PALMD: variants seen among roughly 807,000 people sequenced by gnomAD.
PALMD encodes paralemmin-like protein.
Under a neutral mutation model 56.2 loss-of-function variants are expected in PALMD, and 42 were observed. The observed-to-expected ratio is 0.75, with a 90% CI of 0.58 to 0.97. The LOEUF (loss-of-function observed/expected upper bound fraction) is 0.97. Ranked by LOEUF, PALMD falls within the 50% of genes least tolerant of loss-of-function variation. The pLI is 0.00. For missense variants in PALMD, 660 were observed against 643.8 expected, an observed-to-expected ratio of 1.03 and a Z score of -0.27; for synonymous variants, 242 against 222.9, an observed-to-expected ratio of 1.09 and a Z score of -0.76.
chr1:99,693,942 G>A (rs187712236), intron 7 of PALMD, 77 bp from the exon 8 acceptor site: 18 of 950,056 alleles, frequency 1.9e-5, no homozygotes, highest in Middle Eastern at 5.0e-4. Flanking sequence ...AAACTTTCCT[G>A]CATTCTATGA....
At chr1:99,656,699 T>G (rs527258380) in intron 1 of PALMD, among the ~76,000 whole-genome samples, 7 of 152,316 alleles carry the variant, frequency 4.6e-5, no homozygotes, top group South Asian at 4.1e-4. Flanking sequence ...CCCACAACCA[T>G]GCTTTTCTTT....
intron 2 of PALMD, 170 bp from the exon 3 acceptor site, chr1:99,667,472 A>T: frequency 1.5e-6 from 1 of 650,702 alleles, no homozygotes; most frequent in Non-Finnish European, 2.7e-6. Flanking sequence ...GAATACAGTC[A>T]AGAAGGTTAC....
At chr1:99,651,425 T>G (rs1406095773) in intron 1 of PALMD, among the ~76,000 whole-genome samples, 1 of 152,238 alleles carries the variant, frequency 6.6e-6, no homozygotes. Context: ...TGAACATTAC[T>G]GGATGGTTGA....
intron 1 of PALMD, among the ~76,000 whole-genome samples, chr1:99,648,484 A>G (rs1652491933): frequency 1.3e-5 from 2 of 152,188 alleles, no homozygotes; most frequent in Non-Finnish European, 1.5e-5. Flanking sequence ...ATTTTTGGAA[A>G]TGCTTAAGCC....
intron 1 of PALMD, among the ~76,000 whole-genome samples, chr1:99,655,434 C>T (rs1459344651): frequency 6.6e-6 from 1 of 152,112 alleles, no homozygotes; most frequent in Non-Finnish European, 1.5e-5. Context: ...TCAACTGCTA[C>T]CACCTAGACC....
chr1:99,658,643 C>T (rs1251602945), intron 1 of PALMD, among the ~76,000 whole-genome samples: 5 of 151,640 alleles, frequency 3.3e-5, no homozygotes, highest in South Asian at 2.1e-4. Flanking sequence ...TGGTGGCGGG[C>T]GCCTGTAGTC....
At chr1:99,654,326 C>T (rs1652663955) in intron 1 of PALMD, among the ~76,000 whole-genome samples, 1 of 151,774 alleles carries the variant, frequency 6.6e-6, no homozygotes. Flanking sequence ...CCCTTAATAG[C>T]TATAATATTA....
intron 1 of PALMD, among the ~76,000 whole-genome samples, chr1:99,651,289 T>C (rs1243654251): frequency 1.3e-5 from 2 of 152,208 alleles, no homozygotes; most frequent in Non-Finnish European, 2.9e-5. Flanking sequence ...TGATGAGGTA[T>C]AATAGTTTTG....
At chr1:99,661,970 T>C (rs1171756621) in intron 1 of PALMD, among the ~76,000 whole-genome samples, 1 of 152,204 alleles carries the variant, frequency 6.6e-6, no homozygotes, top group Non-Finnish European at 1.5e-5. Flanking sequence ...CTTCTCACGA[T>C]GTTTCCTCAC....
intron 3 of PALMD, among the ~76,000 whole-genome samples, chr1:99,682,431 C>T (rs6679772): frequency 0.048 from 7,356 of 152,088 alleles, 537 homozygotes; most frequent in African/African-American, 0.16. Flanking sequence ...GAGACCACAG[C>T]GACTTATTAA....
chr1:99,683,924 C>T (rs534439198), intron 3 of PALMD: 1 of 152,340 alleles, frequency 6.6e-6, no homozygotes, highest in South Asian at 2.1e-4. Flanking sequence ...CCCGCTCTCA[C>T]TTCCTTCATG....
rs190210801 is a variant in PALMD, at chr1:99,650,094, G to C, written c.45+3732G>C. On this transcript the variant is annotated intron_variant, in intron 1 of 7. Transcript: ENST00000263174. Reference sequence around the variant, plus strand: ...GTTAAAATAGAGTGGTCAGGATGGGGTTCACAAAGAGGGTGACGTTTGAGC... The same window carrying C: ...GTTAAAATAGAGTGGTCAGGATGGGCTTCACAAAGAGGGTGACGTTTGAGC... Among the ~76,000 whole-genome samples the C allele has an allele frequency of 5.0e-3, 758 of 152,134 alleles. 5 individuals are homozygous for C. The highest frequency in any genetic ancestry group is 0.017 in the South Asian group (80 of 4,810).
At chr1:99,651,161 CCA>C (rs3835487) in intron 1 of PALMD, among the ~76,000 whole-genome samples, 11,564 of 152,224 alleles carry the variant, frequency 0.076, 604 homozygotes, top group Admixed American at 0.17. Context: ...GCACAATTTT[CCA>C]CAGTGCTGTA....
At chr1:99,651,855 A>G (rs1343012363) in intron 1 of PALMD, among the ~76,000 whole-genome samples, 1 of 152,244 alleles carries the variant, frequency 6.6e-6, no homozygotes. Context: ...AATGGAACTC[A>G]AAACTAGCTT....
intron 1 of PALMD, among the ~76,000 whole-genome samples, chr1:99,647,484 TA>T (rs1652466838): frequency 1.3e-5 from 2 of 152,244 alleles, no homozygotes; most frequent in Admixed American, 1.3e-4. Context: ...AGTCTATTGA[TA>T]AGGTTGGCAC....
chr1:99,685,319 C>T (rs1653459896), intron 3 of PALMD: 1 of 152,142 alleles, frequency 6.6e-6, no homozygotes, highest in African/African-American at 2.4e-5. Context: ...TAGTGCAGAG[C>T]TTTCCCCTTT....
chr1:99,688,748 T>C, intron 6 of PALMD, 27 bp from the exon 7 acceptor site: 2 of 1,492,656 alleles, frequency 1.3e-6, no homozygotes, highest in Non-Finnish European at 1.8e-6. Flanking sequence ...GTTAACTAAA[T>C]CAAAGATCAA....
chr1:99,693,446 A>G (rs957400499), intron 7 of PALMD, among the ~76,000 whole-genome samples: 3 of 152,240 alleles, frequency 2.0e-5, no homozygotes, highest in African/African-American at 7.2e-5. Context: ...CCAAAAAGAT[A>G]TATTTGCCAT....
chr1:99,694,121 T>C lies in PALMD; in HGVS notation c.*59T>C. ...AAGAAACTAAGAAGCATTTGCAAAT[T>C]TCTCTTCTGGATATTTTGTTTATTT... is the stretch of plus-strand genomic sequence containing the variant. On this transcript the variant is annotated 3_prime_UTR_variant, in exon 8 of 8. Transcript: ENST00000263174. 1 of 1,158,616 alleles carries C rather than the reference T, an allele frequency of 8.6e-7. No individual in the cohort carries two copies. The highest frequency in any genetic ancestry group is 1.3e-6 in the Non-Finnish European group (1 of 792,302). The allele number at this position is 1,158,616 out of a possible 1,614,324, so 71.8% of individuals were successfully genotyped here.
Sources: allele counts gnomAD v4.1 joint callset (sites outside exome capture counted in the v4.1 genomes callset), GRCh38; gene constraint gnomAD v4.1.1; transcripts MANE v1.5; gene names NCBI Gene and HGNC (gene_info 2026-07-23, HGNC 2026-07-21).